RAPGEF1: variants seen among roughly 807,000 people sequenced by gnomAD.
The protein encoded by RAPGEF1 is Rap guanine nucleotide exchange factor 1, also known as CRK SH3-binding GNRP.
RAPGEF1 carries 33 observed loss-of-function variants against 143.3 expected under a neutral mutation model. The ratio of observed to expected loss-of-function variants is 0.23; its 90% CI spans 0.17 to 0.31. The LOEUF (loss-of-function observed/expected upper bound fraction) is 0.31, where lower values mean the gene tolerates loss of function less well. RAPGEF1 is among the 10% of genes least tolerant of loss of function. The pLI is 1.00. For synonymous variants in RAPGEF1, 629 were observed against 676.5 expected (o/e 0.93, Z 1.09); for missense variants, 1,199 against 1,645.4 (o/e 0.73, Z 4.69).
In RAPGEF1 at chr9:131,619,053, A is replaced by G. The variant is rs1959860994; in HGVS notation, c.2059T>C (p.Ser687Pro). ...AAGAACAGCAGGGAGCAACTCACCG[A>G]GGGCACGGGCAAGCTGCCGTGCCGG... ...LSRHGSLPVP[S>P]YKSVFRSYSQ... Residue 687 changes from serine to proline, a missense_variant and splice_region_variant, in exon 12 of 27, where the codon TCG becomes CCG. This residue lies in a region of RAPGEF1 where 293 missense variants were observed against 356.2 expected (regional missense o/e 0.82). Coordinates refer to ENST00000683357, the MANE Select transcript of RAPGEF1 (RefSeq NM_001377935.1). 1 of 1,357,914 alleles carries G rather than the reference A, an allele frequency of 7.4e-7. No homozygotes were observed. The highest frequency in any genetic ancestry group is 1.9e-5 in the Admixed American group (1 of 51,444). The allele number at this position is 1,357,914 out of a possible 1,614,324, so 84.1% of individuals were successfully genotyped here.
At position 131,675,146 on chromosome 9, in the gene RAPGEF1, GAGATTTGCTGCACTTGGCT is replaced by G. The variant is rs796810589; in HGVS notation, c.62-24216_62-24198del. Among the ~76,000 whole-genome samples, 24 of 152,134 alleles carry G rather than the reference GAGATTTGCTGCACTTGGCT, an allele frequency of 1.6e-4. No homozygotes were observed. Among genetic ancestry groups the G allele is most frequent in the African/African-American group, 4.6e-4 (19 of 41,422 alleles). The stretch of plus-strand genomic sequence containing the variant: ...GAAACTGGCTTAAAAAGAAGCTGGT[GAGATTTGCTGCACTTGGCT>G]AGATTTGCTGCACTTGGCTGGATTT... On this transcript the variant is annotated intron_variant, in intron 1 of 26. Transcript: ENST00000683357. The surrounding 1 kb of genome is among the most constrained non-coding windows in gnomAD (Gnocchi z 4.6).
chr9:131,681,695 C>CTT (rs1832923925), intron 1 of RAPGEF1, among the ~76,000 whole-genome samples: 1 of 152,172 alleles, frequency 6.6e-6, no homozygotes, highest in African/African-American at 2.4e-5. Flanking sequence ...TGCGCACCAG[C>CTT]TTTTGGGGGT....
chr9:131,707,597 C>A (rs568583017), intron 1 of RAPGEF1, among the ~76,000 whole-genome samples: 13 of 152,184 alleles, frequency 8.5e-5, no homozygotes, highest in African/African-American at 3.1e-4. Flanking sequence ...TGCACCAGCA[C>A]GCCTGGCTAA....
intron 26 of RAPGEF1, 51 bp from the exon 27 acceptor site, chr9:131,579,698 G>C: frequency 6.3e-7 from 1 of 1,582,348 alleles, no homozygotes. Context: ...GGGCTGGATG[G>C]CCCGATGGCG....
chr9:131,694,299 A>G (rs1432667468), intron 1 of RAPGEF1, among the ~76,000 whole-genome samples: 1 of 152,184 alleles, frequency 6.6e-6, no homozygotes, highest in East Asian at 1.9e-4. Context: ...TAGGGCATGC[A>G]TTAGATGTAC....
intron 1 of RAPGEF1, among the ~76,000 whole-genome samples, chr9:131,674,320 G>A (rs1041479338): frequency 6.6e-6 from 1 of 152,172 alleles, no homozygotes; most frequent in Non-Finnish European, 1.5e-5. Flanking sequence ...ATTTCTGAGG[G>A]CAATGAACCA....
At chr9:131,713,496 T>C (rs952188343) in intron 1 of RAPGEF1, among the ~76,000 whole-genome samples, 8 of 152,272 alleles carry the variant, frequency 5.3e-5, no homozygotes, top group African/African-American at 7.2e-5. Context: ...TGTGAAGGAA[T>C]TGGCTTTGAA....
chr9:131,670,815 G>C (rs1476941646), intron 1 of RAPGEF1, among the ~76,000 whole-genome samples: 1 of 152,188 alleles, frequency 6.6e-6, no homozygotes, highest in East Asian at 1.9e-4. Flanking sequence ...AGTGATGCCT[G>C]GAATTGCCAA....
chr9:131,617,842 A>G (rs1319990108), intron 12 of RAPGEF1, among the ~76,000 whole-genome samples: 2 of 152,236 alleles, frequency 1.3e-5, no homozygotes, highest in Admixed American at 1.3e-4. Flanking sequence ...ACTTCTTTCA[A>G]GTGGGACTCG....
intron 5 of RAPGEF1, among the ~76,000 whole-genome samples, chr9:131,631,963 TAA>T (rs1965003107): frequency 2.0e-5 from 3 of 152,184 alleles, no homozygotes; most frequent in Non-Finnish European, 4.4e-5. Flanking sequence ...TCAAAAGCCT[TAA>T]ATATTTGCAT....
intron 3 of RAPGEF1, among the ~76,000 whole-genome samples, chr9:131,644,772 T>C (rs1037884359): frequency 6.6e-6 from 1 of 152,080 alleles, no homozygotes; most frequent in Non-Finnish European, 1.5e-5. Context: ...AGGACCAGCC[T>C]GGGCAACATA....
intron 9 of RAPGEF1, among the ~76,000 whole-genome samples, chr9:131,626,789 A>G (rs1963229246): frequency 6.6e-6 from 1 of 152,206 alleles, no homozygotes; most frequent in Non-Finnish European, 1.5e-5. Context: ...TTTTTTGCCT[A>G]TACAATTCCT....
intron 5 of RAPGEF1, among the ~76,000 whole-genome samples, chr9:131,631,420 A>G (rs1964818315): frequency 6.6e-6 from 1 of 152,202 alleles, no homozygotes; most frequent in Admixed American, 6.5e-5. Flanking sequence ...CAGCGTCAAC[A>G]GCTGTGCTTC....
At chr9:131,637,237 A>C (rs1966618471) in intron 5 of RAPGEF1, among the ~76,000 whole-genome samples, 1 of 152,028 alleles carries the variant, frequency 6.6e-6, no homozygotes, top group Non-Finnish European at 1.5e-5. Context: ...AGAAAAAAAA[A>C]AAAAAGGAGA....
chr9:131,647,750 C>T (rs35446730), intron 3 of RAPGEF1, among the ~76,000 whole-genome samples: 32,485 of 152,150 alleles, frequency 0.21, 4,139 homozygotes, highest in Non-Finnish European at 0.29. Flanking sequence ...TCCAACCCTT[C>T]CTAATGAGCA....
intron 12 of RAPGEF1, among the ~76,000 whole-genome samples, chr9:131,617,792 C>T (rs1312420975): frequency 6.6e-6 from 1 of 152,144 alleles, no homozygotes. Flanking sequence ...GCATCTTTGG[C>T]GGGGGGCCAT....
Position 131,580,402 on chromosome 9 carries a change from G to C in RAPGEF1, c.3513-11C>G, listed in dbSNP as rs145204364. On this transcript the variant is annotated splice_polypyrimidine_tract_variant and intron_variant, in intron 25 of 26. Coordinates refer to ENST00000683357, the MANE Select transcript of RAPGEF1 (RefSeq NM_001377935.1). ...TGCAGGATCAGCCCCCTGGGAGGAC[G>C]GGTTAGGCAGCCTGTTACTGCTACG... is the stretch of plus-strand genomic sequence containing the variant. 9,877 of 1,611,654 alleles carry C rather than the reference G, an allele frequency of 6.1e-3. 41 individuals are homozygous for C. The highest frequency in any genetic ancestry group is 7.4e-3 in the Middle Eastern group (45 of 6,054).
At chr9:131,631,611 C>T (rs1300280897) in intron 5 of RAPGEF1, among the ~76,000 whole-genome samples, 11 of 152,208 alleles carry the variant, frequency 7.2e-5, no homozygotes, top group South Asian at 4.1e-4. Context: ...GAGGTGGCAG[C>T]GGATGCCAGT....
chr9:131,643,565 A>T, intron 3 of RAPGEF1, 148 bp from the exon 4 acceptor site: 5 of 796,806 alleles, frequency 6.3e-6, no homozygotes, highest in Non-Finnish European at 9.6e-6. Context: ...TCATTTTTCT[A>T]AGGATTGTAA....
Sources: allele counts gnomAD v4.1 joint callset (sites outside exome capture counted in the v4.1 genomes callset), GRCh38; gene constraint gnomAD v4.1.1; regional missense constraint gnomAD v4.1.1; non-coding constraint Gnocchi (gnomAD v3.1); transcripts MANE v1.5; gene names NCBI Gene and HGNC (gene_info 2026-07-23, HGNC 2026-07-21).